Variants in ASB18 observed in about 807,000 individuals in gnomAD.
ASB18 encodes the protein ankyrin repeat and SOCS box containing 18, also known as ankyrin repeat and SOCS box protein 18.
In ASB18, 33 loss-of-function variants were observed where a neutral mutation model predicts 33.4. That is an observed-to-expected ratio of 0.99 (90% CI 0.75 to 1.32). The LOEUF is 1.32. ASB18 is among the 40% of genes most tolerant of loss of function. ASB18 has a pLI of 0.00. For synonymous variants in ASB18, 295 were observed against 307.6 expected (o/e 0.96, Z 0.43); for missense variants, 694 against 655.5 (o/e 1.06, Z -0.64).
At position 236,216,562 on chromosome 2, in the gene ASB18, C is replaced by G. The variant is rs536540908; in HGVS notation, c.597-1696G>C. ...TTTCCTGTCTTTCTATTTCCCTGCC[C>G]CATTTCAACTGGTCACTGAGCCATC... On this transcript the variant is annotated intron_variant, in intron 3 of 5. Transcript: ENST00000409749. The surrounding 1 kb of genome is among the most constrained non-coding windows in gnomAD (Gnocchi z 6.1). Among the ~76,000 whole-genome samples the G allele has an allele frequency of 2.6e-5, 4 of 152,316 alleles. No individual in the cohort carries two copies. The South Asian group carries it at 8.3e-4, about 32-fold the overall frequency.
In ASB18 at chr2:236,238,963, G is replaced by A. The variant is rs2060609123; in HGVS notation, c.329-1007C>T. On this transcript the variant is annotated intron_variant, in intron 2 of 5. Coordinates refer to ENST00000409749, the MANE Select transcript of ASB18 (RefSeq NM_212556.4). The surrounding 1 kb of genome is among the most constrained non-coding windows in gnomAD (Gnocchi z 5.2). ...TACCCGCATGTGGTGCCGAGTTCCAGCCGCCCTGAGTCCCCAAGGCCCAGC... is the reference window on the plus strand; with the variant it reads ...TACCCGCATGTGGTGCCGAGTTCCAACCGCCCTGAGTCCCCAAGGCCCAGC... Among the ~76,000 whole-genome samples, 1 of 152,152 alleles carries A rather than the reference G, an allele frequency of 6.6e-6. No individual in the cohort carries two copies. The highest frequency in any genetic ancestry group is 2.4e-5 in the African/African-American group (1 of 41,428).
In ASB18 at chr2:236,217,400, G is replaced by A. The variant is rs1269596151; in HGVS notation, c.597-2534C>T. 2.8e-5 allele frequency among the ~76,000 whole-genome samples: 4 copies of A among 141,876 alleles called. No individual in the cohort carries two copies. The highest frequency in any genetic ancestry group is 6.9e-5 in the Admixed American group (1 of 14,454). 93.1% of individuals were successfully genotyped at this position (141,876 alleles called of 152,430 possible). On this transcript the variant is annotated intron_variant, in intron 3 of 5. Transcript: ENST00000409749. The surrounding 1 kb of genome is among the most constrained non-coding windows in gnomAD (Gnocchi z 5.2). ...CCATCCAGCCTGGGGGCAACAGAGC[G>A]AGACTCTGTCTCAAAAAAAAAAAAA...
At position 236,223,344 on chromosome 2, in the gene ASB18, T is replaced by TTCTCTC. The variant is rs1250606959; in HGVS notation, c.597-8484_597-8479dup. Among the ~76,000 whole-genome samples, 2 of 152,200 alleles carry TTCTCTC rather than the reference T, an allele frequency of 1.3e-5. No individual in the cohort carries two copies. The highest frequency in any genetic ancestry group is 2.9e-5 in the Non-Finnish European group (2 of 68,044). Reference sequence around the variant, plus strand: ...AGGCATGCATAACATTTCTTTCTCTTTCTCTCATCCCCTGGTCCCAATATA... The same window carrying TTCTCTC: ...AGGCATGCATAACATTTCTTTCTCTTTCTCTCTCTCTCATCCCCTGGTCCCAATATA... On this transcript the variant is annotated intron_variant, in intron 3 of 5. Coordinates refer to ENST00000409749, the MANE Select transcript of ASB18 (RefSeq NM_212556.4). The surrounding 1 kb of genome is among the most constrained non-coding windows in gnomAD (Gnocchi z 4.6).
Position 236,256,282 on chromosome 2 carries a change from C to T in ASB18, c.205+7859G>A, listed in dbSNP as rs1412048389. Among the ~76,000 whole-genome samples the T allele has an allele frequency of 1.3e-5, 2 of 152,132 alleles. No homozygotes were observed. Among genetic ancestry groups the T allele is most frequent in the South Asian group, 2.1e-4 (1 of 4,822 alleles). On this transcript the variant is annotated intron_variant, in intron 1 of 5. Coordinates refer to ENST00000409749, the MANE Select transcript of ASB18 (RefSeq NM_212556.4). This position sits in a 1 kb window ranked among gnomAD's most constrained non-coding sequence, Gnocchi z 4.7. The stretch of plus-strand genomic sequence containing the variant: ...GCTCAAGAGATTCGCCCACCTTAGC[C>T]TCCCAAAGTGCTGGGGTTACAGGCA...
Position 236,219,798 on chromosome 2 carries a change from G to T in ASB18, c.597-4932C>A, listed in dbSNP as rs2060502742. Among the ~76,000 whole-genome samples, 1 of 152,206 alleles carries T rather than the reference G, an allele frequency of 6.6e-6. No homozygotes were observed. Among genetic ancestry groups the T allele is most frequent in the Non-Finnish European group, 1.5e-5 (1 of 68,048 alleles). Reference sequence around the variant, plus strand: ...CTTTTACTCCAAGGCAAGATTTTGTGAGTGGGTTTCCTGCTGTCCTGATAG... The same window carrying T: ...CTTTTACTCCAAGGCAAGATTTTGTTAGTGGGTTTCCTGCTGTCCTGATAG... On this transcript the variant is annotated intron_variant, in intron 3 of 5. Coordinates refer to ENST00000409749, the MANE Select transcript of ASB18 (RefSeq NM_212556.4). The surrounding 1 kb of genome is among the most constrained non-coding windows in gnomAD (Gnocchi z 6.4).
At chr2:236,242,482 T>TA (rs2060625425) in intron 1 of ASB18, among the ~76,000 whole-genome samples, 1 of 152,300 alleles carries the variant, frequency 6.6e-6, no homozygotes, top group East Asian at 1.9e-4. Flanking sequence ...TGTACATTTA[T>TA]AAATAGTTGG....
rs1274446495 is a variant in ASB18 at position 236,205,588 on chromosome 2, C to A, written c.1101+8774G>T. On this transcript the variant is annotated intron_variant, in intron 4 of 5. Coordinates refer to ENST00000409749, the MANE Select transcript of ASB18 (RefSeq NM_212556.4). This position sits in a 1 kb window ranked among gnomAD's most constrained non-coding sequence, Gnocchi z 5.4. ...AAGCTCCACATAGGCAGGAATACTT[C>A]TTTCCCCTTATCTGTTCACTCACTT... Among the ~76,000 whole-genome samples the A allele has an allele frequency of 6.6e-6, 1 of 152,242 alleles. No homozygotes were observed. Among genetic ancestry groups the A allele is most frequent in the Non-Finnish European group, 1.5e-5 (1 of 68,032 alleles).
In ASB18 at chr2:236,204,958, A is replaced by G. The variant is rs1468253477; in HGVS notation, c.1102-8573T>C. Among the ~76,000 whole-genome samples, 3 of 152,124 alleles carry G rather than the reference A, an allele frequency of 2.0e-5. No homozygotes were observed. On this transcript the variant is annotated intron_variant, in intron 4 of 5. Coordinates refer to ENST00000409749, the MANE Select transcript of ASB18 (RefSeq NM_212556.4). This position sits in a 1 kb window ranked among gnomAD's most constrained non-coding sequence, Gnocchi z 5.1. The stretch of plus-strand genomic sequence containing the variant: ...CACTCCACATCCCATCTGTTAAAAA[A>G]TCCTGTTGGCTCTACCTCCAAAATA...
rs1181910771 is a variant in ASB18, at chr2:236,229,051, TG to T, written c.596+8637del. Among the ~76,000 whole-genome samples the T allele has an allele frequency of 1.3e-5, 2 of 152,114 alleles. No individual in the cohort carries two copies. Among genetic ancestry groups the T allele is most frequent in the Non-Finnish European group, 2.9e-5 (2 of 68,022 alleles). On this transcript the variant is annotated intron_variant, in intron 3 of 5. Coordinates refer to ENST00000409749, the MANE Select transcript of ASB18 (RefSeq NM_212556.4). This position sits in a 1 kb window ranked among gnomAD's most constrained non-coding sequence, Gnocchi z 5.2. ...TGAAACTAGGAGTTTGAGACCATCC[TG>T]GGCAGCAAAACAAGACCCCAACTCT...
At chr2:236,199,404 T>G (rs933251945) in intron 4 of ASB18, among the ~76,000 whole-genome samples, 14 of 126,154 alleles carry the variant, frequency 1.1e-4, no homozygotes, top group Admixed American at 9.6e-4. Flanking sequence ...AGGGTGAGAC[T>G]CTGTTTCAAA....
chr2:236,216,862 C>T lies in ASB18; in HGVS notation c.597-1996G>A, dbSNP rs903715378. 6.6e-6 allele frequency among the ~76,000 whole-genome samples: 1 copy of T among 152,172 alleles called. No homozygotes were observed. The highest frequency in any genetic ancestry group is 1.5e-5 in the Non-Finnish European group (1 of 68,034). ...TCCTGGGGGCTCACCGGGTTCACCTCCTGAGGCGCCGCCTCTCCATGCTTC... is the reference window on the plus strand; with the variant it reads ...TCCTGGGGGCTCACCGGGTTCACCTTCTGAGGCGCCGCCTCTCCATGCTTC... On this transcript the variant is annotated intron_variant, in intron 3 of 5. Transcript: ENST00000409749. The surrounding 1 kb of genome is among the most constrained non-coding windows in gnomAD (Gnocchi z 6.1).
In ASB18 at chr2:236,224,661, C is replaced by T. The variant is rs1046695160; in HGVS notation, c.597-9795G>A. On this transcript the variant is annotated intron_variant, in intron 3 of 5. Transcript: ENST00000409749. ...CTGGTTTCCGTTCTGTGCAACCTTA[C>T]TGGCATAACACGGACTCTCTCTGAG... Among the ~76,000 whole-genome samples, 3 of 152,330 alleles carry T rather than the reference C, an allele frequency of 2.0e-5. No homozygotes were observed. The East Asian group carries it at 5.8e-4, about 29-fold the overall frequency.
rs1329263500 is a variant in ASB18, at chr2:236,216,298, C to A, written c.597-1432G>T. 6.6e-6 allele frequency among the ~76,000 whole-genome samples: 1 copy of A among 152,246 alleles called. No individual in the cohort carries two copies. The highest frequency in any genetic ancestry group is 1.5e-5 in the Non-Finnish European group (1 of 68,044). On this transcript the variant is annotated intron_variant, in intron 3 of 5. Transcript: ENST00000409749. This position sits in a 1 kb window ranked among gnomAD's most constrained non-coding sequence, Gnocchi z 6.1. ...ACCTTGGTCCTCAAGCTTCCGCCCT[C>A]TTCCTTTTCAGCTGTCTACATCAGC... is the stretch of plus-strand genomic sequence containing the variant.
At chr2:236,199,360 T>C (rs56100425) in intron 4 of ASB18, among the ~76,000 whole-genome samples, 23,358 of 148,376 alleles carry the variant, frequency 0.16, 1,887 homozygotes, top group South Asian at 0.25. Context: ...TGCAGTGAGC[T>C]GAGATCATGC....
intron 4 of ASB18, among the ~76,000 whole-genome samples, chr2:236,197,080 C>G (rs1302068572): frequency 1.3e-5 from 2 of 149,544 alleles, no homozygotes; most frequent in African/African-American, 2.5e-5. Flanking sequence ...CCGCCCCCCC[C>G]ATCAACCCAT....
rs1173101967 is a variant in ASB18, at chr2:236,241,495, C to G, written c.206-93G>C. The G allele has an allele frequency of 6.9e-7, 1 of 1,458,860 alleles. No individual in the cohort carries two copies. Among genetic ancestry groups the G allele is most frequent in the Non-Finnish European group, 9.5e-7 (1 of 1,054,758 alleles). 90.4% of individuals were successfully genotyped at this position (1,458,860 alleles called of 1,614,324 possible). ...CTTTTGAAATATTTGAAGTTTTCCT[C>G]TCACTGGCCCTGGCTGTCTCTCCAT... On this transcript the variant is annotated intron_variant, in intron 1 of 5. Coordinates refer to ENST00000409749, the MANE Select transcript of ASB18 (RefSeq NM_212556.4). The surrounding 1 kb of genome is among the most constrained non-coding windows in gnomAD (Gnocchi z 4.2).
rs980170415 is a variant in ASB18 at position 236,194,493 on chromosome 2, T to C, written c.*379A>G. 6.6e-6 allele frequency among the ~76,000 whole-genome samples: 1 copy of C among 152,218 alleles called. No individual in the cohort carries two copies. Among genetic ancestry groups the C allele is most frequent in the African/African-American group, 2.4e-5 (1 of 41,456 alleles). On this transcript the variant is annotated 3_prime_UTR_variant, in exon 6 of 6. Transcript: ENST00000409749. The surrounding 1 kb of genome is among the most constrained non-coding windows in gnomAD (Gnocchi z 4.5). ...TCATTCTTGTTTATATCAATTAACC[T>C]TGGGAAAACTGGCATTGTTATACCT...
At chr2:236,246,939 T>C (rs1366268772) in intron 1 of ASB18, among the ~76,000 whole-genome samples, 3 of 152,224 alleles carry the variant, frequency 2.0e-5, no homozygotes, top group African/African-American at 7.2e-5. Flanking sequence ...AATTTCCTGA[T>C]GCCTGATATA....
intron 3 of ASB18, among the ~76,000 whole-genome samples, chr2:236,230,940 C>T (rs975072046): frequency 2.0e-5 from 3 of 151,874 alleles, no homozygotes; most frequent in Admixed American, 6.6e-5. Context: ...TTAAAAAAAG[C>T]AAGACTCAAT....
Sources: allele counts gnomAD v4.1 joint callset (sites outside exome capture counted in the v4.1 genomes callset), GRCh38; gene constraint gnomAD v4.1.1; non-coding constraint Gnocchi (gnomAD v3.1); transcripts MANE v1.5; gene names NCBI Gene and HGNC (gene_info 2026-07-23, HGNC 2026-07-21).